Variants in SLIT3 observed in about 807,000 individuals in gnomAD.
SLIT3 encodes the protein slit homolog 3 protein.
In SLIT3, 68 loss-of-function variants were observed where a neutral mutation model predicts 184.0. That is an observed-to-expected ratio of 0.37 (90% CI 0.30 to 0.45). The LOEUF (loss-of-function observed/expected upper bound fraction) is 0.45, where lower values mean the gene tolerates loss of function less well. Among genes scored for constraint, SLIT3 ranks in the 20% least tolerant of loss-of-function variants. SLIT3 has a pLI of 1.00. For missense variants in SLIT3, 1,707 were observed against 2,026.0 expected, an observed-to-expected ratio of 0.84 and a Z score of 3.02; for synonymous variants, 831 against 828.6, an observed-to-expected ratio of 1.00 and a Z score of -0.05.
chr5:168,885,476 A>C (rs1344496962), intron 4 of SLIT3, among the ~76,000 whole-genome samples: 9 of 152,194 alleles, frequency 5.9e-5, no homozygotes, highest in Non-Finnish European at 1.3e-4. Flanking sequence ...CCTCCGGAGC[A>C]GGGGCCCAGG....
chr5:168,818,792 T>A (rs1356978898), intron 7 of SLIT3, among the ~76,000 whole-genome samples: 1 of 152,164 alleles, frequency 6.6e-6, no homozygotes, highest in Non-Finnish European at 1.5e-5. Flanking sequence ...TGCAGCTACC[T>A]CCTGCTGGAT....
intron 3 of SLIT3, among the ~76,000 whole-genome samples, chr5:169,231,758 G>T (rs1765011413): frequency 6.6e-6 from 1 of 152,112 alleles, no homozygotes; most frequent in Non-Finnish European, 1.5e-5. Context: ...GCCCATATTC[G>T]AGAGTAACTG....
chr5:168,696,649 T>G (rs1474772642), intron 27 of SLIT3, among the ~76,000 whole-genome samples: 3 of 152,118 alleles, frequency 2.0e-5, no homozygotes, highest in Non-Finnish European at 4.4e-5. Flanking sequence ...CTCCAGGCAA[T>G]GTTCTATCTC....
intron 1 of SLIT3, among the ~76,000 whole-genome samples, chr5:169,287,234 C>T (rs2113654197): frequency 6.6e-6 from 1 of 152,234 alleles, no homozygotes. Flanking sequence ...GTGTTCCTTC[C>T]CTTGCCGTTT....
At chr5:168,968,480 G>A (rs1266159304) in intron 4 of SLIT3, among the ~76,000 whole-genome samples, 3 of 152,198 alleles carry the variant, frequency 2.0e-5, no homozygotes, top group African/African-American at 7.2e-5. Flanking sequence ...ACTTTGGAAG[G>A]TGTCTTTGTA....
In SLIT3 at chr5:168,875,581, C is replaced by A. The variant is rs186311096; in HGVS notation, c.485+7684G>T. ...CCCAGGAGGCGGAGGTTGCAGTGAG[C>A]CGAGATTGCGCCACTGCACCCCGGC... On this transcript the variant is annotated intron_variant, in intron 5 of 35. Transcript: ENST00000519560. 4.4e-3 allele frequency among the ~76,000 whole-genome samples: 668 copies of A among 151,768 alleles called. 5 individuals are homozygous for A. Among genetic ancestry groups the A allele is most frequent in the South Asian group, 0.011 (51 of 4,778 alleles).
intron 4 of SLIT3, among the ~76,000 whole-genome samples, chr5:169,010,909 C>CA (rs532475548): frequency 0.023 from 1,535 of 67,784 alleles, 15 homozygotes; most frequent in African/African-American, 0.056. Context: ...ACTCTGTTTC[C>CA]AAAAAAAAAA....
intron 4 of SLIT3, among the ~76,000 whole-genome samples, chr5:169,167,485 C>T (rs1335762076): frequency 1.3e-5 from 2 of 151,788 alleles, no homozygotes; most frequent in Admixed American, 1.3e-4. Flanking sequence ...ACCGTGTTAG[C>T]CAGGATGGTC....
At chr5:169,162,375 C>T (rs1436819332) in intron 4 of SLIT3, among the ~76,000 whole-genome samples, 2 of 152,110 alleles carry the variant, frequency 1.3e-5, no homozygotes, top group Non-Finnish European at 2.9e-5. Flanking sequence ...GCCATGTTGC[C>T]CTTACAGCAG....
At chr5:169,088,546 C>T (rs1369569642) in intron 4 of SLIT3, among the ~76,000 whole-genome samples, 1 of 152,068 alleles carries the variant, frequency 6.6e-6, no homozygotes, top group Non-Finnish European at 1.5e-5. Context: ...ACAACTAGTC[C>T]AGGAGTGAGC....
At chr5:168,850,973 T>C (rs778399108) in intron 5 of SLIT3, among the ~76,000 whole-genome samples, 2 of 152,238 alleles carry the variant, frequency 1.3e-5, no homozygotes, top group Non-Finnish European at 2.9e-5. Context: ...ATTGGGCTTT[T>C]GGCAAATGAA....
At chr5:169,262,108 A>T (rs1222530934) in intron 1 of SLIT3, among the ~76,000 whole-genome samples, 1 of 152,212 alleles carries the variant, frequency 6.6e-6, no homozygotes, top group Non-Finnish European at 1.5e-5. Flanking sequence ...CCTTGTGTGC[A>T]GCCTTATGAA....
intron 7 of SLIT3, 68 bp from the exon 8 acceptor site, chr5:168,817,531 C>T (rs1286755092): frequency 6.6e-7 from 1 of 1,512,496 alleles, no homozygotes; most frequent in African/African-American, 1.4e-5. Context: ...ACTGGCCAGA[C>T]AGAGTGACCA....
chr5:168,772,118 C>G (rs895752902), intron 14 of SLIT3: 7 of 152,248 alleles, frequency 4.6e-5, no homozygotes, highest in African/African-American at 1.7e-4. Context: ...TCCCCCATGT[C>G]CTTCCTGGGT....
At chr5:168,905,846 A>G (rs1337471697) in intron 4 of SLIT3, among the ~76,000 whole-genome samples, 1 of 152,254 alleles carries the variant, frequency 6.6e-6, no homozygotes, top group Admixed American at 6.5e-5. Flanking sequence ...ACGTGGGCAC[A>G]GAGATGATGT....
At chr5:168,810,793 C>T (rs1216159448) in intron 8 of SLIT3, among the ~76,000 whole-genome samples, 1 of 152,166 alleles carries the variant, frequency 6.6e-6, no homozygotes, top group Non-Finnish European at 1.5e-5. Flanking sequence ...CCCAGCTCCT[C>T]ACTGATCATC....
chr5:168,933,844 C>T (rs954502332), intron 4 of SLIT3, among the ~76,000 whole-genome samples: 4 of 152,120 alleles, frequency 2.6e-5, no homozygotes, highest in Non-Finnish European at 4.4e-5. Flanking sequence ...AAGAGTGATG[C>T]GCTAACAGAT....
chr5:168,735,367 C>T (rs1763399764), intron 20 of SLIT3, among the ~76,000 whole-genome samples: 1 of 152,116 alleles, frequency 6.6e-6, no homozygotes, highest in Admixed American at 6.5e-5. Context: ...GACTCTGCTC[C>T]AGGCCAGAAT....
intron 14 of SLIT3, among the ~76,000 whole-genome samples, chr5:168,771,849 C>T (rs992637292): frequency 7.2e-5 from 11 of 152,186 alleles, no homozygotes; most frequent in African/African-American, 9.7e-5. Flanking sequence ...CGGGAAGACT[C>T]GCCTGCATCA....
Sources: allele counts gnomAD v4.1 joint callset (sites outside exome capture counted in the v4.1 genomes callset), GRCh38; gene constraint gnomAD v4.1.1; transcripts MANE v1.5; gene names NCBI Gene and HGNC (gene_info 2026-07-23, HGNC 2026-07-21).